MACROD2: variants seen among roughly 807,000 people sequenced by gnomAD.
The protein encoded by MACROD2 is ADP-ribose glycohydrolase MACROD2.
Under a neutral mutation model 70.4 loss-of-function variants are expected in MACROD2, and 36 were observed. The ratio of observed to expected loss-of-function variants is 0.51; its 90% confidence interval spans 0.39 to 0.68. MACROD2 has a LOEUF of 0.68. MACROD2 is among the 30% of genes least tolerant of loss of function. The pLI, the probability that MACROD2 is intolerant of heterozygous loss-of-function variation, is 0.00. For missense variants in MACROD2, 496 were observed against 538.4 expected, an observed-to-expected ratio of 0.92 and a Z score of 0.78; for synonymous variants, 172 against 178.8, an observed-to-expected ratio of 0.96 and a Z score of 0.30.
At chr20:14,310,447 G>A (rs548812168) in intron 3 of MACROD2, among the ~76,000 whole-genome samples, 2 of 152,224 alleles carry the variant, frequency 1.3e-5, no homozygotes, top group South Asian at 2.1e-4. Flanking sequence ...TCCTATGGCC[G>A]TCATAAGGTC....
At chr20:15,030,486 G>A (rs2075266145) in intron 5 of MACROD2, among the ~76,000 whole-genome samples, 1 of 152,156 alleles carries the variant, frequency 6.6e-6, no homozygotes, top group Non-Finnish European at 1.5e-5. Flanking sequence ...CAATGTCCCA[G>A]AAATGCACAG....
intron 8 of MACROD2, among the ~76,000 whole-genome samples, chr20:15,578,782 A>G (rs1465924699): frequency 6.6e-6 from 1 of 152,160 alleles, no homozygotes; most frequent in Admixed American, 6.5e-5. Context: ...ACTTACGACT[A>G]TGCATCTTCA....
At chr20:15,324,207 T>C (rs2077903029) in intron 6 of MACROD2, among the ~76,000 whole-genome samples, 1 of 152,038 alleles carries the variant, frequency 6.6e-6, no homozygotes, top group South Asian at 2.1e-4. Context: ...TTAAAAAGGG[T>C]TCAATTTTTT....
At chr20:14,456,012 T>A (rs1043289810) in intron 3 of MACROD2, among the ~76,000 whole-genome samples, 43 of 151,924 alleles carry the variant, frequency 2.8e-4, no homozygotes, top group South Asian at 1.4e-3. Flanking sequence ...TAGAACAAAT[T>A]TGCAGTGATT....
intron 8 of MACROD2, among the ~76,000 whole-genome samples, chr20:15,735,686 C>G (rs906812456): frequency 6.6e-6 from 1 of 152,192 alleles, no homozygotes; most frequent in African/African-American, 2.4e-5. Context: ...CAAAGAATTG[C>G]AGTGCATGTT....
At chr20:15,961,654 T>C (rs2066063655) in intron 12 of MACROD2, among the ~76,000 whole-genome samples, 2 of 152,174 alleles carry the variant, frequency 1.3e-5, no homozygotes, top group African/African-American at 4.8e-5. Context: ...CCTAAGAAGG[T>C]TCTTTCAGTA....
At chr20:14,650,408 T>C (rs1387058902) in intron 4 of MACROD2, among the ~76,000 whole-genome samples, 1 of 152,230 alleles carries the variant, frequency 6.6e-6, no homozygotes. Flanking sequence ...GAGAAACAAC[T>C]TTAGTAATTA....
At chr20:15,134,459 G>C (rs1340564634) in intron 5 of MACROD2, among the ~76,000 whole-genome samples, 2 of 151,954 alleles carry the variant, frequency 1.3e-5, no homozygotes, top group Non-Finnish European at 2.9e-5. Context: ...ACCTGCTCCT[G>C]AATCACTACT....
chr20:14,114,211 G>T (rs1037266862), intron 3 of MACROD2, among the ~76,000 whole-genome samples: 9 of 152,208 alleles, frequency 5.9e-5, no homozygotes, highest in African/African-American at 2.2e-4. Flanking sequence ...GAAGAAATGC[G>T]ACTTGCCTCT....
chr20:15,126,910 G>A (rs1259639413), intron 5 of MACROD2, among the ~76,000 whole-genome samples: 1 of 152,056 alleles, frequency 6.6e-6, no homozygotes, highest in Non-Finnish European at 1.5e-5. Context: ...AAATATTTTG[G>A]TAAGAGGAAT....
chr20:14,776,517 A>G (rs1244340066), intron 5 of MACROD2, among the ~76,000 whole-genome samples: 1 of 152,028 alleles, frequency 6.6e-6, no homozygotes, highest in East Asian at 1.9e-4. Context: ...CTAGCCACAT[A>G]TGGCAGAGAC....
At chr20:15,992,599 T>A (rs1461913335) in intron 15 of MACROD2, among the ~76,000 whole-genome samples, 1 of 152,244 alleles carries the variant, frequency 6.6e-6, no homozygotes, top group Admixed American at 6.5e-5. Flanking sequence ...TGGGGAATTT[T>A]AAGAGACCAT....
At chr20:14,222,926 T>C (rs1310510259) in intron 3 of MACROD2, 1 of 151,986 alleles carries the variant, frequency 6.6e-6, no homozygotes, top group African/African-American at 2.4e-5. Flanking sequence ...CAAGACTAAA[T>C]TCAGCTCTCT....
intron 3 of MACROD2, among the ~76,000 whole-genome samples, chr20:14,392,402 A>G (rs2083536226): frequency 6.6e-6 from 1 of 152,136 alleles, no homozygotes; most frequent in Non-Finnish European, 1.5e-5. Flanking sequence ...TGTGACTTCA[A>G]AAGATTATTC....
At chr20:14,433,522 C>G (rs112583072) in intron 3 of MACROD2, among the ~76,000 whole-genome samples, 2,297 of 152,234 alleles carry the variant, frequency 0.015, 50 homozygotes, top group African/African-American at 0.051. Flanking sequence ...ATAGAGAGAA[C>G]TGCAGAATAA....
chr20:15,663,203 T>A (rs138638363), intron 8 of MACROD2, among the ~76,000 whole-genome samples: 49 of 151,882 alleles, frequency 3.2e-4, no homozygotes, highest in African/African-American at 1.2e-3. Context: ...TGCCAGATGT[T>A]TCTGTTTCTC....
At chr20:13,996,922 T>C (rs1158710257) in intron 1 of MACROD2, among the ~76,000 whole-genome samples, 47 of 152,224 alleles carry the variant, frequency 3.1e-4, no homozygotes, top group Non-Finnish European at 2.9e-5. Flanking sequence ...GTTGATTTCC[T>C]TGTTAATAGT....
intron 3 of MACROD2, among the ~76,000 whole-genome samples, chr20:14,425,906 A>G (rs1331018816): frequency 2.0e-5 from 3 of 152,144 alleles, no homozygotes; most frequent in Non-Finnish European, 4.4e-5. Flanking sequence ...GTATCTGAAA[A>G]TATACCTTTT....
At chr20:15,025,580 T>C (rs939996107) in intron 5 of MACROD2, among the ~76,000 whole-genome samples, 9 of 152,214 alleles carry the variant, frequency 5.9e-5, no homozygotes, top group Non-Finnish European at 8.8e-5. Context: ...AGATCTACAC[T>C]ATCATTTCTG....
Sources: allele counts gnomAD v4.1 joint callset (sites outside exome capture counted in the v4.1 genomes callset), GRCh38; gene constraint gnomAD v4.1.1; transcripts MANE v1.5; gene names NCBI Gene and HGNC (gene_info 2026-07-23, HGNC 2026-07-21).